Variants in FAXC observed in about 807,000 individuals in gnomAD.
FAXC encodes failed axon connections homolog.
In FAXC, 10 loss-of-function variants were observed where a neutral mutation model predicts 41.9. The observed-to-expected ratio is 0.24, with a 90% CI of 0.15 to 0.41. The LOEUF (loss-of-function observed/expected upper bound fraction) is 0.41. FAXC is among the 10% of genes least tolerant of loss of function. The pLI, the probability that FAXC is intolerant of heterozygous loss-of-function variation, is 1.00. For missense variants in FAXC, 399 were observed against 510.9 expected (o/e 0.78, Z 2.11); for synonymous variants, 183 against 183.8 (o/e 1.00, Z 0.03).
At chr6:99,333,925 T>C (rs921949234) in intron 2 of FAXC, among the ~76,000 whole-genome samples, 4 of 152,066 alleles carry the variant, frequency 2.6e-5, no homozygotes, top group Non-Finnish European at 2.9e-5. Flanking sequence ...AAAAAGTCAA[T>C]ATAAACCACA....
intron 5 of FAXC, among the ~76,000 whole-genome samples, chr6:99,285,815 G>A (rs1240836896): frequency 1.3e-5 from 2 of 152,114 alleles, no homozygotes; most frequent in Admixed American, 6.5e-5. Flanking sequence ...AAATGGAAAT[G>A]CCCTCCCTGC....
Position 99,280,715 on chromosome 6 carries a change from A to T in FAXC, c.*449T>A. 5.4e-6 allele frequency: 1 copy of T among 185,952 alleles called. No individual in the cohort carries two copies. Among genetic ancestry groups the T allele is most frequent in the South Asian group, 1.2e-4 (1 of 8,504 alleles). 11.5% of individuals were successfully genotyped at this position (185,952 alleles called of 1,614,324 possible). On this transcript the variant is annotated 3_prime_UTR_variant, in exon 6 of 6. Coordinates refer to ENST00000389677, the MANE Select transcript of FAXC (RefSeq NM_032511.4). ...TTATGTCTCAACATACAATATACAC[A>T]CATAAAGTACAAGCAGCCACCGTAA...
At chr6:99,288,120 T>C (rs570865956) in intron 5 of FAXC, among the ~76,000 whole-genome samples, 257 of 152,226 alleles carry the variant, frequency 1.7e-3, no homozygotes, top group Non-Finnish European at 2.8e-3. Flanking sequence ...CAGGAAGTAA[T>C]AGAGAAAAGG....
chr6:99,337,257 A>G (rs1181241326), intron 2 of FAXC, among the ~76,000 whole-genome samples: 6 of 46,612 alleles, frequency 1.3e-4, no homozygotes, highest in South Asian at 6.0e-4. Flanking sequence ...GCAGCTTAGG[A>G]AAAAAAAAAA....
At chr6:99,311,121 ATGCT>A in intron 4 of FAXC, among the ~76,000 whole-genome samples, 1 of 152,258 alleles carries the variant, frequency 6.6e-6, no homozygotes, top group Non-Finnish European at 1.5e-5. Context: ...GTAAACACGA[ATGCT>A]TTAAAGCACT....
At position 99,343,379 on chromosome 6, in the gene FAXC, G is replaced by A. The variant is rs73499508; in HGVS notation, c.267-346C>T. ...TGGTCCACCTATTCTCCAGCCGGCT[G>A]TATTTACCTGCTAGGACAAGCTGGA... On this transcript the variant is annotated intron_variant, in intron 1 of 5. Transcript: ENST00000389677. 1.6e-3 allele frequency among the ~76,000 whole-genome samples: 244 copies of A among 152,308 alleles called. 1 individual carries two copies. Among genetic ancestry groups the A allele is most frequent in the African/African-American group, 5.8e-3 (243 of 41,558 alleles).
chr6:99,314,737 C>T (rs1370258402), intron 4 of FAXC, among the ~76,000 whole-genome samples: 1 of 152,214 alleles, frequency 6.6e-6, no homozygotes. Flanking sequence ...CTGCCTCATG[C>T]CACTCCTGCT....
At chr6:99,287,642 T>A (rs1052996341) in intron 5 of FAXC, among the ~76,000 whole-genome samples, 5 of 152,140 alleles carry the variant, frequency 3.3e-5, no homozygotes, top group African/African-American at 1.2e-4. Flanking sequence ...CTTCTGCCGT[T>A]CCAAAGCTAA....
In FAXC at chr6:99,279,050, A is replaced by C. The variant is rs1372557304; in HGVS notation, c.*2114T>G. The C allele has an allele frequency of 1.3e-5, 2 of 152,176 alleles. No individual in the cohort carries two copies. Among genetic ancestry groups the C allele is most frequent in the Admixed American group, 1.3e-4 (2 of 15,264 alleles). The allele number at this position is 152,176 out of a possible 1,614,324, so 9.4% of individuals were successfully genotyped here. A position where few individuals can be genotyped will look rare whatever the true frequency, so the allele number is the denominator to read the frequency against. Reference sequence around the variant, plus strand: ...CCATGCTTTGTGGAGACAGGTCTGCAGTCCACCTGTTCATTATATTCATAT... The same window carrying C: ...CCATGCTTTGTGGAGACAGGTCTGCCGTCCACCTGTTCATTATATTCATAT... On this transcript the variant is annotated 3_prime_UTR_variant, in exon 6 of 6. Coordinates refer to ENST00000389677, the MANE Select transcript of FAXC (RefSeq NM_032511.4).
intron 1 of FAXC, 75 bp downstream of exon 1, chr6:99,349,032 C>A: frequency 1.4e-6 from 2 of 1,419,212 alleles, no homozygotes; most frequent in Non-Finnish European, 1.9e-6. Context: ...CTGGCACGGG[C>A]CCCTCTCGCG....
chr6:99,345,503 T>C (rs936161342), intron 1 of FAXC, among the ~76,000 whole-genome samples: 2 of 152,162 alleles, frequency 1.3e-5, no homozygotes, highest in Non-Finnish European at 2.9e-5. Flanking sequence ...TCCTCTCTAA[T>C]TTAGGATCAG....
chr6:99,319,866 T>C (rs936218871), intron 4 of FAXC, among the ~76,000 whole-genome samples: 1 of 152,234 alleles, frequency 6.6e-6, no homozygotes, highest in Non-Finnish European at 1.5e-5. Flanking sequence ...TAGCTTTGTA[T>C]CCTTCGTAAA....
intron 3 of FAXC, among the ~76,000 whole-genome samples, chr6:99,326,153 C>T (rs767367205): frequency 4.6e-5 from 7 of 152,252 alleles, no homozygotes; most frequent in East Asian, 1.9e-4. Flanking sequence ...CAAAGGTTAA[C>T]GGCTGGAAGG....
chr6:99,304,522 G>A (rs1771838760), intron 4 of FAXC, among the ~76,000 whole-genome samples: 1 of 152,100 alleles, frequency 6.6e-6, no homozygotes, highest in African/African-American at 2.4e-5. Context: ...CCTAATCTCA[G>A]GAATTAGCTC....
intron 4 of FAXC, among the ~76,000 whole-genome samples, chr6:99,323,214 C>G (rs1772654371): frequency 6.6e-6 from 1 of 152,222 alleles, no homozygotes; most frequent in Non-Finnish European, 1.5e-5. Context: ...GTTCCATACT[C>G]TCTTCACACG....
chr6:99,288,118 A>C (rs887024712), intron 5 of FAXC, among the ~76,000 whole-genome samples: 2 of 152,226 alleles, frequency 1.3e-5, no homozygotes, highest in Non-Finnish European at 2.9e-5. Flanking sequence ...TTCAGGAAGT[A>C]ATAGAGAAAA....
chr6:99,326,071 G>A (rs149967219), intron 3 of FAXC, among the ~76,000 whole-genome samples: 85 of 152,348 alleles, frequency 5.6e-4, no homozygotes, highest in African/African-American at 2.0e-3. Flanking sequence ...TGTAAGAGGC[G>A]AGGCTGGAGG....
At chr6:99,336,426 T>G (rs1221534864) in intron 2 of FAXC, among the ~76,000 whole-genome samples, 3 of 152,206 alleles carry the variant, frequency 2.0e-5, no homozygotes, top group Admixed American at 2.0e-4. Context: ...TCTTAACTTC[T>G]TTAAATCTAT....
At chr6:99,327,889 A>G (rs1366457123) in intron 3 of FAXC, among the ~76,000 whole-genome samples, 1 of 152,182 alleles carries the variant, frequency 6.6e-6, no homozygotes, top group Non-Finnish European at 1.5e-5. Context: ...ACTGCAGTTC[A>G]GCCCTTCATT....
Sources: allele counts gnomAD v4.1 joint callset (sites outside exome capture counted in the v4.1 genomes callset), GRCh38; gene constraint gnomAD v4.1.1; transcripts MANE v1.5; gene names NCBI Gene and HGNC (gene_info 2026-07-23, HGNC 2026-07-21).